Variants in FAM163A observed in about 807,000 individuals in gnomAD.
FAM163A encodes protein FAM163A.
A neutral mutation model predicts 12.0 loss-of-function variants in FAM163A; 7 were observed. The ratio of observed to expected loss-of-function variants is 0.58; its 90% CI spans 0.33 to 1.10. The LOEUF is 1.10. FAM163A is among the 50% of genes least tolerant of loss of function. The pLI, the probability that FAM163A is intolerant of heterozygous loss-of-function variation, is 0.03. For synonymous variants in FAM163A, 101 were observed against 91.0 expected, an observed-to-expected ratio of 1.11 and a Z score of -0.62; for missense variants, 202 against 218.6, an observed-to-expected ratio of 0.92 and a Z score of 0.48.
At chr1:179,729,997 C>T in the FAM163A span, among the ~76,000 whole-genome samples, 122 of 152,348 alleles carry the variant, frequency 8.0e-4, no homozygotes, top group Non-Finnish European at 1.5e-3. Flanking sequence ...ATTTGAGCAT[C>T]AGCCTCCTAC....
chr1:179,801,366 C>A (rs1693150578), intron 1 of FAM163A, among the ~76,000 whole-genome samples: 1 of 152,128 alleles, frequency 6.6e-6, no homozygotes, highest in Non-Finnish European at 1.5e-5. Flanking sequence ...CCCATACCCA[C>A]ACAGCTCTCC....
At chr1:179,732,918 T>C in the FAM163A span, among the ~76,000 whole-genome samples, 4 of 140,106 alleles carry the variant, frequency 2.9e-5, no homozygotes, top group South Asian at 6.9e-4. Context: ...ATTGTTTACA[T>C]GATTGTTAGT....
chr1:179,752,752 C>T (rs1685462405), intron 1 of FAM163A, among the ~76,000 whole-genome samples: 1 of 152,162 alleles, frequency 6.6e-6, no homozygotes, highest in South Asian at 2.1e-4. Flanking sequence ...GAGATATTAT[C>T]TTACACCTGT....
intron 1 of FAM163A, among the ~76,000 whole-genome samples, chr1:179,807,236 C>G (rs1571582799): frequency 6.6e-6 from 1 of 152,216 alleles, no homozygotes; most frequent in Admixed American, 6.5e-5. Flanking sequence ...CCTCCACCAT[C>G]AGCGCAGCAG....
intron 1 of FAM163A, among the ~76,000 whole-genome samples, chr1:179,790,815 A>C (rs909206178): frequency 6.6e-6 from 1 of 152,178 alleles, no homozygotes; most frequent in Admixed American, 6.5e-5. Context: ...CCTTTAGAAC[A>C]TTAGAGAATG....
intron 1 of FAM163A, among the ~76,000 whole-genome samples, chr1:179,770,242 C>T (rs1397043463): frequency 6.6e-6 from 1 of 152,102 alleles, no homozygotes; most frequent in African/African-American, 2.4e-5. Flanking sequence ...CTATATCCAA[C>T]CAATGCTGTG....
At chr1:179,754,700 A>T (rs1685755782) in intron 1 of FAM163A, among the ~76,000 whole-genome samples, 1 of 152,182 alleles carries the variant, frequency 6.6e-6, no homozygotes, top group African/African-American at 2.4e-5. Context: ...CAGAACATAA[A>T]ATGGCAGGTT....
chr1:179,752,246 T>C (rs1416066163), intron 1 of FAM163A, among the ~76,000 whole-genome samples: 1 of 152,030 alleles, frequency 6.6e-6, no homozygotes, highest in African/African-American at 2.4e-5. Context: ...GATATCCCCA[T>C]ACAAAAGAAT....
At chr1:179,807,997 ATTC>A (rs1694191520) in intron 2 of FAM163A, 109 bp downstream of exon 2, 1 of 152,280 alleles carries the variant, frequency 6.6e-6, no homozygotes, top group Non-Finnish European at 1.5e-5. Context: ...GGCCCTTAGG[ATTC>A]TTTAGTGGAC....
intron 1 of FAM163A, among the ~76,000 whole-genome samples, chr1:179,762,508 C>T (rs1401969986): frequency 6.6e-6 from 1 of 152,192 alleles, no homozygotes; most frequent in Non-Finnish European, 1.5e-5. Context: ...GCCTGCCTCA[C>T]CCATGGTCTA....
intron 1 of FAM163A, among the ~76,000 whole-genome samples, chr1:179,773,865 T>C (rs976447646): frequency 6.6e-6 from 1 of 152,210 alleles, no homozygotes; most frequent in African/African-American, 2.4e-5. Context: ...GCCTCCGTTC[T>C]GAGAAAGCAC....
chr1:179,747,884 C>G (rs986203310), intron 1 of FAM163A, among the ~76,000 whole-genome samples: 2 of 136,962 alleles, frequency 1.5e-5, no homozygotes, highest in Admixed American at 8.4e-5. Flanking sequence ...ATTTCTGTTT[C>G]TGTGTGTGCA....
intron 1 of FAM163A, among the ~76,000 whole-genome samples, chr1:179,795,957 T>TTTATTATTATTATTATTATTA (rs1557958055): frequency 6.4e-5 from 5 of 77,820 alleles, no homozygotes; most frequent in African/African-American, 4.0e-4. Context: ...GGAGTCTTTC[T>TTTATTATTATTATTATTATTA]CTATTATTAT....
At chr1:179,739,757 T>C (rs983128008), upstream of FAM163A, among the ~76,000 whole-genome samples, 2 of 152,090 alleles carry the variant, frequency 1.3e-5, no homozygotes, top group Non-Finnish European at 2.9e-5. Flanking sequence ...TCACCAAAGA[T>C]TGCATATAGG....
chr1:179,799,117 AAGTGAAACAAGTG>A lies in FAM163A; in HGVS notation c.-135-8680_-135-8668del, dbSNP rs1406947664. 9.0e-3 allele frequency among the ~76,000 whole-genome samples: 1,362 copies of A among 152,162 alleles called. 20 individuals are homozygous for A. The highest frequency in any genetic ancestry group is 0.031 in the African/African-American group (1,294 of 41,530). On this transcript the variant is annotated intron_variant, in intron 1 of 4. Coordinates refer to ENST00000341785, the MANE Select transcript of FAM163A (RefSeq NM_173509.3). ...CCAGTCTGCTGGAAGAAAGTGAAACAAGTGAAACAAGTGTTTCACTGCTGAAAGAAGTGAAACA... is the reference window on the plus strand; with the variant it reads ...CCAGTCTGCTGGAAGAAAGTGAAACATTTCACTGCTGAAAGAAGTGAAACA...
At chr1:179,760,274 T>C (rs550969864) in intron 1 of FAM163A, among the ~76,000 whole-genome samples, 3 of 152,262 alleles carry the variant, frequency 2.0e-5, no homozygotes, top group Admixed American at 2.0e-4. Flanking sequence ...TTTACTTTAT[T>C]CAGTAGCATT....
intron 1 of FAM163A, among the ~76,000 whole-genome samples, chr1:179,799,982 A>C (rs1301802437): frequency 6.6e-6 from 1 of 152,252 alleles, no homozygotes; most frequent in African/African-American, 2.4e-5. Context: ...ACTCTGCAGC[A>C]GAGACATGTG....
chr1:179,743,481 G>T (rs2454193), intron 1 of FAM163A, 58 bp downstream of exon 1: 94,540 of 152,064 alleles, frequency 0.62, 30,249 homozygotes, highest in African/African-American at 0.77. Context: ...GGCGGGGCGC[G>T]GGCGGGCTGA....
upstream of FAM163A, among the ~76,000 whole-genome samples, chr1:179,740,296 A>G (rs994911024): frequency 2.6e-5 from 4 of 152,098 alleles, no homozygotes; most frequent in Admixed American, 1.3e-4. Flanking sequence ...CTCCCCCTTT[A>G]GCCTCTTGTG....
Sources: allele counts gnomAD v4.1 joint callset (sites outside exome capture counted in the v4.1 genomes callset), GRCh38; gene constraint gnomAD v4.1.1; transcripts MANE v1.5; gene names NCBI Gene and HGNC (gene_info 2026-07-23, HGNC 2026-07-21).